The following CSMD1 variants were observed in gnomAD, a reference collection of about 807,000 sequenced individuals.
CSMD1 encodes CUB and sushi domain-containing protein 1.
A neutral mutation model predicts 417.5 loss-of-function variants in CSMD1; 213 were observed. That is an observed-to-expected ratio of 0.51 (90% CI 0.46 to 0.57). The LOEUF (loss-of-function observed/expected upper bound fraction) is 0.57, where lower values mean the gene tolerates loss of function less well. CSMD1 is among the 20% of genes least tolerant of loss of function. The pLI, the probability that CSMD1 is intolerant of heterozygous loss-of-function variation, is 0.00. For synonymous variants in CSMD1, 2,862 were observed against 1,736.8 expected (o/e 1.65, Z -16.11); for missense variants, 6,923 against 4,529.7 (o/e 1.53, Z -15.17).
intron 2 of CSMD1, among the ~76,000 whole-genome samples, chr8:4,629,973 C>T (rs560172164): frequency 6.6e-6 from 1 of 152,098 alleles, no homozygotes; most frequent in Non-Finnish European, 1.5e-5. Context: ...GAATACTTTT[C>T]CACACACCTG....
chr8:3,708,752 A>T (rs564228161), intron 6 of CSMD1, among the ~76,000 whole-genome samples: 10 of 152,188 alleles, frequency 6.6e-5, no homozygotes, highest in African/African-American at 1.7e-4. Context: ...GACTTTACAC[A>T]TCCAATCCTA....
At position 3,238,139 on chromosome 8, in the gene CSMD1, G is replaced by A. The variant is rs62504972; in HGVS notation, c.4154-7908C>T. On this transcript the variant is annotated intron_variant, in intron 26 of 69. Transcript: ENST00000635120. The stretch of plus-strand genomic sequence containing the variant: ...GGGCCGTTTTATAAGATTTGGGTAC[G>A]TAAAGGAAAATTACAGTCAAAGGGG... 9.6e-4 allele frequency among the ~76,000 whole-genome samples: 146 copies of A among 151,926 alleles called. 4 individuals are homozygous for A. In the South Asian group the frequency reaches 0.029, roughly 30 times the overall value.
At chr8:3,711,895 T>C (rs944694958) in intron 6 of CSMD1, among the ~76,000 whole-genome samples, 1 of 152,056 alleles carries the variant, frequency 6.6e-6, no homozygotes, top group African/African-American at 2.4e-5. Context: ...CCTAAACAGA[T>C]AAGACAAACA....
intron 3 of CSMD1, among the ~76,000 whole-genome samples, chr8:4,202,249 T>C (rs951901165): frequency 1.3e-5 from 2 of 152,180 alleles, no homozygotes; most frequent in South Asian, 4.1e-4. Context: ...ATCTTCACAA[T>C]TCAGTTAAGA....
intron 8 of CSMD1, among the ~76,000 whole-genome samples, chr8:3,610,038 G>C (rs950701853): frequency 9.2e-5 from 14 of 151,838 alleles, no homozygotes; most frequent in East Asian, 1.9e-4. Context: ...CTGACCTCGA[G>C]ATTCACCCAC....
chr8:4,523,973 T>A (rs1352106052), intron 2 of CSMD1, among the ~76,000 whole-genome samples: 2 of 152,106 alleles, frequency 1.3e-5, no homozygotes, highest in African/African-American at 4.8e-5. Flanking sequence ...CAGCAGTTCC[T>A]ACGCTCTCCT....
intron 3 of CSMD1, among the ~76,000 whole-genome samples, chr8:4,278,092 A>G (rs903377087): frequency 3.9e-5 from 6 of 152,170 alleles, no homozygotes; most frequent in Admixed American, 3.3e-4. Flanking sequence ...CTACATTTAT[A>G]AAATCCTTTA....
At chr8:3,360,791 T>C (rs893102663) in intron 20 of CSMD1, among the ~76,000 whole-genome samples, 7 of 152,334 alleles carry the variant, frequency 4.6e-5, no homozygotes, top group African/African-American at 1.4e-4. Flanking sequence ...GTTCATTATT[T>C]TCACTGGACA....
chr8:4,909,957 G>A (rs929899880), intron 1 of CSMD1, among the ~76,000 whole-genome samples: 1 of 152,128 alleles, frequency 6.6e-6, no homozygotes, highest in Non-Finnish European at 1.5e-5. Flanking sequence ...AAGTCTTGTG[G>A]ATGATTTTAC....
chr8:3,426,042 A>C (rs270067), intron 12 of CSMD1, among the ~76,000 whole-genome samples: 136,750 of 152,244 alleles, frequency 0.9, 61,553 homozygotes, highest in Middle Eastern at 0.96. Context: ...ATCTGTGCCA[A>C]TCTGAAAATA....
chr8:3,505,385 A>G (rs972688937), intron 10 of CSMD1, among the ~76,000 whole-genome samples: 2 of 152,206 alleles, frequency 1.3e-5, no homozygotes, highest in Non-Finnish European at 2.9e-5. Context: ...AAAGCAAAAG[A>G]TATTGAAGTT....
chr8:3,546,181 G>GA (rs200144978), intron 10 of CSMD1, among the ~76,000 whole-genome samples: 4,267 of 152,018 alleles, frequency 0.028, 85 homozygotes, highest in Non-Finnish European at 0.043. Context: ...TTCATATATG[G>GA]AAAAAAACAC....
intron 26 of CSMD1, among the ~76,000 whole-genome samples, chr8:3,249,763 T>G (rs76764656): frequency 6.8e-6 from 1 of 146,172 alleles, no homozygotes; most frequent in Non-Finnish European, 1.5e-5. Flanking sequence ...CCGTTTTTTT[T>G]AAATCTAATC....
intron 46 of CSMD1, among the ~76,000 whole-genome samples, chr8:3,099,479 T>C (rs1312126740): frequency 8.5e-5 from 13 of 152,194 alleles, no homozygotes; most frequent in Admixed American, 7.9e-4. Flanking sequence ...GCTGACCTTA[T>C]ACTAACAAAA....
intron 1 of CSMD1, among the ~76,000 whole-genome samples, chr8:4,651,421 T>A (rs766323852): frequency 1.2e-4 from 18 of 152,172 alleles, no homozygotes; most frequent in Non-Finnish European, 2.1e-4. Context: ...TCAGCTGGCA[T>A]CATTTCTAAT....
At chr8:3,852,534 T>G (rs570175841) in intron 5 of CSMD1, among the ~76,000 whole-genome samples, 1 of 152,154 alleles carries the variant, frequency 6.6e-6, no homozygotes, top group Non-Finnish European at 1.5e-5. Flanking sequence ...ACATAGTAGA[T>G]GGTGTTAGGG....
At chr8:4,566,139 A>C (rs1428926132) in intron 2 of CSMD1, among the ~76,000 whole-genome samples, 1 of 152,174 alleles carries the variant, frequency 6.6e-6, no homozygotes, top group Non-Finnish European at 1.5e-5. Context: ...TGATGTGAAG[A>C]TAAGAATGCA....
At chr8:4,909,552 C>T (rs1010031464) in intron 1 of CSMD1, among the ~76,000 whole-genome samples, 1 of 152,096 alleles carries the variant, frequency 6.6e-6, no homozygotes, top group Non-Finnish European at 1.5e-5. Flanking sequence ...TCACAATGTC[C>T]ATTTTTCCTT....
chr8:3,644,043 A>C (rs145876647), intron 7 of CSMD1, among the ~76,000 whole-genome samples: 1 of 152,306 alleles, frequency 6.6e-6, no homozygotes, highest in East Asian at 1.9e-4. Context: ...AAACACAAGG[A>C]ATCAAAGCTT....
Sources: allele counts gnomAD v4.1 joint callset (sites outside exome capture counted in the v4.1 genomes callset), GRCh38; gene constraint gnomAD v4.1.1; transcripts MANE v1.5; gene names NCBI Gene and HGNC (gene_info 2026-07-23, HGNC 2026-07-21).